TRAPPC1: variants seen among roughly 807,000 people sequenced by gnomAD.
The protein encoded by TRAPPC1 is BET5 homolog.
In TRAPPC1, 10 loss-of-function variants were observed where a neutral mutation model predicts 17.2. The ratio of observed to expected loss-of-function variants is 0.58; its 90% CI spans 0.36 to 0.99. The LOEUF is 0.99. TRAPPC1 is among the 50% of genes least tolerant of loss of function. The pLI is 0.01. For missense variants in TRAPPC1, 163 were observed against 184.4 expected, an observed-to-expected ratio of 0.88 and a Z score of 0.67; for synonymous variants, 85 against 74.5, an observed-to-expected ratio of 1.14 and a Z score of -0.72.
rs1972537789 is a variant in TRAPPC1, at chr17:7,931,845, T to C, written c.-16A>G. 2 of 1,608,206 alleles carry C rather than the reference T, an allele frequency of 1.2e-6. No individual in the cohort carries two copies. Among genetic ancestry groups the C allele is most frequent in the Non-Finnish European group, 1.7e-6 (2 of 1,174,838 alleles). On this transcript the variant is annotated 5_prime_UTR_variant, in exon 1 of 4. Coordinates refer to ENST00000303731, the MANE Select transcript of TRAPPC1 (RefSeq NM_021210.5). The stretch of plus-strand genomic sequence containing the variant: ...GGACAGTCATCTGCAGGGCAGGGAG[T>C]GTGAGCCTCGCTCCGGGGCCGCCCC...
Position 7,931,011 on chromosome 17 carries a change from C to A in TRAPPC1, c.309G>T (p.Ala103=). The change falls in exon 3 of 4, where the codon GCG becomes GCT. Residue 103 remains alanine (A), a splice_region_variant and synonymous_variant. Coordinates refer to ENST00000303731, the MANE Select transcript of TRAPPC1 (RefSeq NM_021210.5). ...ATGGGTCCCTGGGGCTGGCACTGAC[C>A]GCACTGTAGATGTGGTGCAGCACAT... is the stretch of plus-strand genomic sequence containing the variant. ...IRDVLHHIYS[A]LYVELVVKNP... 1 of 1,613,380 alleles carries A rather than the reference C, an allele frequency of 6.2e-7. No homozygotes were observed. Among genetic ancestry groups the A allele is most frequent in the Non-Finnish European group, 8.5e-7 (1 of 1,179,772 alleles).
chr17:7,931,384 C>A, intron 2 of TRAPPC1, 122 bp downstream of exon 2: 1 of 1,146,086 alleles, frequency 8.7e-7, no homozygotes, highest in Non-Finnish European at 1.3e-6. Context: ...CCGGACTCAG[C>A]CTCTCTTAAG....
intron 2 of TRAPPC1, 165 bp from the exon 3 acceptor site, chr17:7,931,314 C>A: frequency 9.2e-7 from 1 of 1,081,798 alleles, no homozygotes; most frequent in Non-Finnish European, 1.3e-6. Context: ...TAGCCCCCAC[C>A]AACTTCTCTA....
intron 2 of TRAPPC1, 51 bp downstream of exon 2, chr17:7,931,455 C>T: frequency 6.3e-7 from 1 of 1,588,160 alleles, no homozygotes; most frequent in Admixed American, 1.7e-5. Context: ...CCCCCATCCC[C>T]AAATTCCCAA....
At chr17:7,931,606 G>C (rs746513521) in intron 1 of TRAPPC1, 30 bp from the exon 2 acceptor site, 4 of 1,367,426 alleles carry the variant, frequency 2.9e-6, no homozygotes. Flanking sequence ...GTTAGCTCTC[G>C]GTTGATGCGG....
chr17:7,930,847 A>C lies in TRAPPC1; in HGVS notation c.310-113T>G, dbSNP rs530384123. 6 of 1,507,372 alleles carry C rather than the reference A, an allele frequency of 4.0e-6. No individual in the cohort carries two copies. The African/African-American group carries it at 6.9e-5, about 17-fold the overall frequency. The allele number at this position is 1,507,372 out of a possible 1,614,324, so 93.4% of individuals were successfully genotyped here. A position where few individuals can be genotyped will look rare whatever the true frequency, so the allele number is the denominator to read the frequency against. On this transcript the variant is annotated intron_variant, in intron 3 of 3. Transcript: ENST00000303731. Reference sequence around the variant, plus strand: ...GCACAAGGAATAAGGGCTGGAAGGCAAGCCCTCTCTGAGGAGAAAGTGGTG... The same window carrying C: ...GCACAAGGAATAAGGGCTGGAAGGCCAGCCCTCTCTGAGGAGAAAGTGGTG...
chr17:7,930,387 T>G lies in TRAPPC1; in HGVS notation c.*219A>C. 1 of 572,166 alleles carries G rather than the reference T, an allele frequency of 1.7e-6. No individual in the cohort carries two copies. Among genetic ancestry groups the G allele is most frequent in the Non-Finnish European group, 3.1e-6 (1 of 323,482 alleles). 35.4% of individuals were successfully genotyped at this position (572,166 alleles called of 1,614,324 possible). A position where few individuals can be genotyped will look rare whatever the true frequency, so the allele number is the denominator to read the frequency against. Reference sequence around the variant, plus strand: ...AGTTTATTCTGTGCTTCTCGCAGCATTAGGCAGGGGATAAAACTGGAGAGA... The same window carrying G: ...AGTTTATTCTGTGCTTCTCGCAGCAGTAGGCAGGGGATAAAACTGGAGAGA... On this transcript the variant is annotated 3_prime_UTR_variant, in exon 4 of 4. Transcript: ENST00000303731.
At chr17:7,931,999 T>G (rs377387624), upstream of TRAPPC1, 108 of 627,812 alleles carry the variant, frequency 1.7e-4, no homozygotes, top group Middle Eastern at 4.3e-3. Flanking sequence ...CTCCGCCCCT[T>G]AGGGGGGTTC....
chr17:7,931,531 C>A lies in TRAPPC1; in HGVS notation c.145G>T (p.Val49Phe), dbSNP rs759884021. 2.0e-5 allele frequency: 32 copies of A among 1,614,080 alleles called. No homozygotes were observed. Among genetic ancestry groups the A allele is most frequent in the Non-Finnish European group, 2.7e-5 (32 of 1,180,020 alleles). Residue 49 changes from valine to phenylalanine, a missense_variant, in exon 2 of 4, where the codon GTC (valine) becomes TTC (phenylalanine). Transcript: ENST00000303731. Reference protein sequence around the residue: ...YGMLFSIRSFVSKMSPLDMKD... With the variant: ...YGMLFSIRSFFSKMSPLDMKD... The stretch of plus-strand genomic sequence containing the variant: ...ATGTCTAGCGGGGACATCTTGCTGA[C>A]AAACGAGCGGATAGAGAAGAGCATC...
At chr17:7,931,259 G>A in intron 2 of TRAPPC1, 110 bp from the exon 3 acceptor site, 1 of 1,383,942 alleles carries the variant, frequency 7.2e-7, no homozygotes, top group Non-Finnish European at 9.8e-7. Context: ...ATCCTTTGTA[G>A]AAGCCTGGTT....
rs752726594 is a variant in TRAPPC1 at position 7,931,539 on chromosome 17, C to A, written c.137G>T (p.Arg46Leu). Residue 46 changes from arginine (R) to leucine (L), a missense_variant, in exon 2 of 4, where the codon CGC becomes CTC. By Grantham distance (102) the Arg-to-Leu change is moderately radical. Transcript: ENST00000303731. ...KLMYGMLFSI[R>L]SFVSKMSPLD... ...CGGGGACATCTTGCTGACAAACGAG[C>A]GGATAGAGAAGAGCATCCCGTACAT... 22 of 1,613,756 alleles carry A rather than the reference C, an allele frequency of 1.4e-5. No individual in the cohort carries two copies. Among genetic ancestry groups the A allele is most frequent in the East Asian group, 2.2e-5 (1 of 44,894 alleles).
rs1042804252 is a variant in TRAPPC1 at position 7,931,141 on chromosome 17, C to T, written c.179G>A (p.Gly60Asp). 6.2e-7 allele frequency: 1 copy of T among 1,613,788 alleles called. No homozygotes were observed. The change falls in exon 3 of 4, where the codon GGC becomes GAC. Residue 60 changes from glycine (G) to aspartate (D), a missense_variant. By Grantham distance (94) the Gly-to-Asp change is moderately conservative. Transcript: ENST00000303731. ...ACGGCTAGTTTGGAAGGCCAGGAAGCCATCCTTCCTGCAGAGATGAGGAGG... is the reference window on the plus strand; with the variant it reads ...ACGGCTAGTTTGGAAGGCCAGGAAGTCATCCTTCCTGCAGAGATGAGGAGG... ...SKMSPLDMKD[G>D]FLAFQTSRYK...
rs1481622544 is a variant in TRAPPC1 at position 7,930,617 on chromosome 17, G to A, written c.427C>T (p.Arg143Trp). ...YVRSLPFFSA[R>W]AG ...TGAGGTAGGTTGCTTCAGCCAGCCC[G>A]GGCGGAGAAGAAGGGCAGAGAGCGA... Residue 143 changes from arginine to tryptophan, a missense_variant, in exon 4 of 4, where the codon CGG becomes TGG. Arg to Trp is a moderately radical substitution (Grantham distance 101). Transcript: ENST00000303731. The A allele has an allele frequency of 1.2e-6, 2 of 1,613,958 alleles. No individual in the cohort carries two copies. Among genetic ancestry groups the A allele is most frequent in the East Asian group, 2.2e-5 (1 of 44,896 alleles).
rs1972421356 is a variant in TRAPPC1 at position 7,930,634 on chromosome 17, AGAGAGCGAACATAG to A, written c.396_409del (p.Tyr133AlafsTer32). 6.2e-7 allele frequency: 1 copy of A among 1,614,080 alleles called. No homozygotes were observed. The highest frequency in any genetic ancestry group is 8.5e-7 in the Non-Finnish European group (1 of 1,180,034). On this transcript the variant is annotated frameshift_variant, in exon 4 of 4. Coordinates refer to ENST00000303731, the MANE Select transcript of TRAPPC1 (RefSeq NM_021210.5). LOFTEE classifies it high-confidence loss of function. Reference sequence around the variant, plus strand: ...GCCAGCCCGGGCGGAGAAGAAGGGCAGAGAGCGAACATAGGAGTCCAGTCGGGAGCGAAAGAGCT... The same window carrying A: ...GCCAGCCCGGGCGGAGAAGAAGGGCAGAGTCCAGTCGGGAGCGAAAGAGCT...
At position 7,931,894 on chromosome 17, in the gene TRAPPC1, G is replaced by C; in HGVS notation, c.-65C>G. 1 of 1,408,804 alleles carries C rather than the reference G, an allele frequency of 7.1e-7. No homozygotes were observed. Among genetic ancestry groups the C allele is most frequent in the Non-Finnish European group, 1.0e-6 (1 of 993,406 alleles). The allele number at this position is 1,408,804 out of a possible 1,614,324, so 87.3% of individuals were successfully genotyped here. A position where few individuals can be genotyped will look rare whatever the true frequency, so the allele number is the denominator to read the frequency against. ...CCCACTCCTTGGGCTCGGGTTCCCG[G>C]ACCCACAGCCTTCCAACCAGGTGGG... On this transcript the variant is annotated 5_prime_UTR_variant, in exon 1 of 4. Coordinates refer to ENST00000303731, the MANE Select transcript of TRAPPC1 (RefSeq NM_021210.5).
intron 3 of TRAPPC1, 77 bp from the exon 4 acceptor site, chr17:7,930,811 G>A: frequency 1.3e-6 from 2 of 1,565,306 alleles, no homozygotes; most frequent in Non-Finnish European, 1.7e-6. Flanking sequence ...TAACCTCAGG[G>A]GTGTGTGAAT....
At position 7,931,406 on chromosome 17, in the gene TRAPPC1, C is replaced by T. The variant is rs1337222516; in HGVS notation, c.170+100G>A. ...CAGCCTCTCTTAAGTACCCTTTCCC[C>T]CCTCTGGAGGCCAATGCTCCTTCCA... On this transcript the variant is annotated intron_variant, in intron 2 of 3. Coordinates refer to ENST00000303731, the MANE Select transcript of TRAPPC1 (RefSeq NM_021210.5). The T allele has an allele frequency of 3.1e-6, 4 of 1,278,200 alleles. No individual in the cohort carries two copies. In the African/African-American group the frequency reaches 4.4e-5, roughly 14 times the overall value. 79.2% of individuals were successfully genotyped at this position (1,278,200 alleles called of 1,614,324 possible).
intron 3 of TRAPPC1, 128 bp from the exon 4 acceptor site, chr17:7,930,862 A>G: frequency 6.7e-7 from 1 of 1,494,178 alleles, no homozygotes; most frequent in South Asian, 1.3e-5. Context: ...CTCTCTGAGG[A>G]GAAAGTGGTG....
At position 7,930,663 on chromosome 17, in the gene TRAPPC1, G is replaced by A; in HGVS notation, c.381C>T (p.Arg127=). The change falls in exon 4 of 4, where the codon CGC becomes CGT. Residue 127 remains arginine (R), a synonymous_variant. Transcript: ENST00000303731. ...AGCGAACATAGGAGTCCAGTCGGGA[G>A]CGAAAGAGCTCACTTTGCACAGTTT... ...LGQTVQSELF[R]SRLDSYVRSL... is the part of the protein sequence containing the mutation. 1 of 1,614,198 alleles carries A rather than the reference G, an allele frequency of 6.2e-7. No homozygotes were observed. Among genetic ancestry groups the A allele is most frequent in the South Asian group, 1.1e-5 (1 of 91,088 alleles).
Sources: allele counts gnomAD v4.1 joint callset, GRCh38; gene constraint gnomAD v4.1.1; transcripts MANE v1.5; gene names NCBI Gene and HGNC (gene_info 2026-07-23, HGNC 2026-07-21).